The following CATSPER1 variants were observed in gnomAD, a reference collection of about 807,000 sequenced individuals.
CATSPER1 encodes cation channel sperm-associated protein 1.
In CATSPER1, 57 loss-of-function variants were observed where a neutral mutation model predicts 72.7. The ratio of observed to expected loss-of-function variants is 0.78; its 90% confidence interval spans 0.63 to 0.98. The LOEUF (loss-of-function observed/expected upper bound fraction) is 0.98. Among genes scored for constraint, CATSPER1 ranks in the 50% least tolerant of loss-of-function variants. CATSPER1 has a pLI of 0.00. For synonymous variants in CATSPER1, 363 were observed against 403.0 expected, an observed-to-expected ratio of 0.90 and a Z score of 1.19; for missense variants, 910 against 1,033.9, an observed-to-expected ratio of 0.88 and a Z score of 1.64.
At chr11:66,018,781 G>C in intron 10 of CATSPER1, 46 bp downstream of exon 10, 5 of 1,600,234 alleles carry the variant, frequency 3.1e-6, no homozygotes, top group Non-Finnish European at 4.3e-6. Context: ...AGGCCCCCAG[G>C]CCTCACCCTC....
At position 66,017,193 on chromosome 11, in the gene CATSPER1, G is replaced by GGGGGGGGGGGGGGGGGGGGGGC; in HGVS notation, c.2202-20_2202-19insGCCCCCCCCCCCCCCCCCCCCC. ...CTGCTGCCTGCGGGTGGGCGGGGGG[G>GGGGGGGGGGGGGGGGGGGGGGC]TCGCAGAGACAGGGGCTGGGCTGAC... On this transcript the variant is annotated intron_variant, in intron 10 of 11. Transcript: ENST00000312106. 3 of 493,800 alleles carry GGGGGGGGGGGGGGGGGGGGGGC rather than the reference G, an allele frequency of 6.1e-6. No individual in the cohort carries two copies. The highest frequency in any genetic ancestry group is 5.5e-5 in the East Asian group (1 of 18,090). 30.6% of individuals were successfully genotyped at this position (493,800 alleles called of 1,614,324 possible).
At position 66,025,931 on chromosome 11, in the gene CATSPER1, C is replaced by T; in HGVS notation, c.449G>A (p.Gly150Asp). Reference protein sequence around the residue: ...DSHYHRGSHHGRPQYLGENLS... With the variant: ...DSHYHRGSHHDRPQYLGENLS... Reference sequence around the variant, plus strand: ...ATTCTCACCGAGATATTGGGGTCTGCCATGGTGAGACCCCCTATGGTAATG... The same window carrying T: ...ATTCTCACCGAGATATTGGGGTCTGTCATGGTGAGACCCCCTATGGTAATG... Residue 150 changes from glycine (G) to aspartate (D), a missense_variant, in exon 1 of 12, where the codon GGC (glycine) becomes GAC (aspartate). Transcript: ENST00000312106. 6.2e-7 allele frequency: 1 copy of T among 1,613,412 alleles called. No individual in the cohort carries two copies. The highest frequency in any genetic ancestry group is 1.1e-5 in the South Asian group (1 of 91,006).
Position 66,026,091 on chromosome 11 carries a change from C to A in CATSPER1, c.289G>T (p.Gly97Cys). ...HGRAHGPTGF[G>C]LAPSQGAVPS... ...ACGGCGCCTTGAGAGGGAGCCAGAC[C>A]AAAGCCTGTGGGGCCATGGGCTCTG... is the stretch of plus-strand genomic sequence containing the variant. The change falls in exon 1 of 12, where the codon GGT (glycine) becomes TGT (cysteine). Residue 97 changes from glycine (G) to cysteine (C), a missense_variant. Transcript: ENST00000312106. 6.2e-7 allele frequency: 1 copy of A among 1,612,684 alleles called. No homozygotes were observed. The highest frequency in any genetic ancestry group is 8.5e-7 in the Non-Finnish European group (1 of 1,179,032).
chr11:66,020,480 G>T lies in CATSPER1; in HGVS notation c.1991+84C>A. ...TTGTGGGTTCAGCGTGGCATGACCA[G>T]GGTGAGAGGGCTGGGGTAAGGGTCC... On this transcript the variant is annotated intron_variant, in intron 7 of 11. Coordinates refer to ENST00000312106, the MANE Select transcript of CATSPER1 (RefSeq NM_053054.4). The surrounding 1 kb of genome is among the most constrained non-coding windows in gnomAD (Gnocchi z 4.5). The T allele has an allele frequency of 1.9e-6, 3 of 1,598,926 alleles. No individual in the cohort carries two copies. Among genetic ancestry groups the T allele is most frequent in the Non-Finnish European group, 2.6e-6 (3 of 1,166,514 alleles).
In CATSPER1 at chr11:66,026,479, T is replaced by G; in HGVS notation, c.-100A>C. ...TTCCTGAGCCAAGCTCAATGCAGAC[T>G]GTGGCACTGGGCTTCCAGAAAGGCC... is the stretch of plus-strand genomic sequence containing the variant. On this transcript the variant is annotated 5_prime_UTR_variant, in exon 1 of 12. Coordinates refer to ENST00000312106, the MANE Select transcript of CATSPER1 (RefSeq NM_053054.4). 3.2e-6 allele frequency: 5 copies of G among 1,584,574 alleles called. No homozygotes were observed. The highest frequency in any genetic ancestry group is 4.1e-4 in the Middle Eastern group (2 of 4,924).
Position 66,017,148 on chromosome 11 carries a change from A to G in CATSPER1, c.2228T>C (p.Leu743Pro), listed in dbSNP as rs1856254740. 1 of 1,201,496 alleles carries G rather than the reference A, an allele frequency of 8.3e-7. No individual in the cohort carries two copies. Among genetic ancestry groups the G allele is most frequent in the Non-Finnish European group, 1.1e-6 (1 of 889,678 alleles). The allele number at this position is 1,201,496 out of a possible 1,614,324, so 74.4% of individuals were successfully genotyped here. A position where few individuals can be genotyped will look rare whatever the true frequency, so the allele number is the denominator to read the frequency against. ...EKQQELLFHY[L>P]QLVASVEQEQ... ...CTGCTCCACGCTTGCCACCAGCTGCAGGTAATGGAACAGGAGCTCCTGCTG... is the reference window on the plus strand; with the variant it reads ...CTGCTCCACGCTTGCCACCAGCTGCGGGTAATGGAACAGGAGCTCCTGCTG... Residue 743 changes from leucine to proline, a missense_variant, in exon 11 of 12, where the codon CTG becomes CCG. Coordinates refer to ENST00000312106, the MANE Select transcript of CATSPER1 (RefSeq NM_053054.4).
chr11:66,024,479 C>A (rs554497536), intron 1 of CATSPER1, among the ~76,000 whole-genome samples: 1 of 152,088 alleles, frequency 6.6e-6, no homozygotes, highest in East Asian at 1.9e-4. Flanking sequence ...GGGATCTCGC[C>A]ATGTTGGCCA....
rs747666527 is a variant in CATSPER1 at position 66,026,046 on chromosome 11, C to T, written c.334G>A (p.Gly112Ser). 36 of 1,613,792 alleles carry T rather than the reference C, an allele frequency of 2.2e-5. No homozygotes were observed. The highest frequency in any genetic ancestry group is 5.3e-5 in the African/African-American group (4 of 74,828). Residue 112 changes from glycine to serine, a missense_variant, in exon 1 of 12, where the codon GGT becomes AGT. By Grantham distance (56) the Gly-to-Ser change is moderately conservative. Coordinates refer to ENST00000312106, the MANE Select transcript of CATSPER1 (RefSeq NM_053054.4). Reference protein sequence around the residue: ...QGAVPSHRSYGEDYHDELQRD... With the variant: ...QGAVPSHRSYSEDYHDELQRD... Reference sequence around the variant, plus strand: ...TGGAGCTCATCATGGTAGTCCTCACCGTAGGAACGGTGGGAGGGGACGGCG... The same window carrying T: ...TGGAGCTCATCATGGTAGTCCTCACTGTAGGAACGGTGGGAGGGGACGGCG...
rs764230958 is a variant in CATSPER1 at position 66,021,172 on chromosome 11, C to T, written c.1705G>A (p.Val569Ile). ...VLRRLSFLTS[V>I]QEVTGTLGQS... ...CCCAGGGTCCCTGTCACTTCCTGGA[C>T]GCTGGTCAGGAAGCTGTGGGCAGAA... Residue 569 changes from valine (V) to isoleucine (I), a missense_variant, in exon 5 of 12, where the codon GTC becomes ATC. Physicochemically the swap from Val to Ile is conservative, Grantham distance 29. Coordinates refer to ENST00000312106, the MANE Select transcript of CATSPER1 (RefSeq NM_053054.4). The T allele has an allele frequency of 6.4e-5, 103 of 1,612,778 alleles. No individual in the cohort carries two copies. Among genetic ancestry groups the T allele is most frequent in the Non-Finnish European group, 7.8e-5 (92 of 1,179,612 alleles).
rs1856359855 is a variant in CATSPER1 at position 66,021,156 on chromosome 11, CCT to C, written c.1719_1720del (p.Gly574AspfsTer35). The C allele has an allele frequency of 1.4e-5, 22 of 1,613,190 alleles. No homozygotes were observed. Among genetic ancestry groups the C allele is most frequent in the Non-Finnish European group, 1.9e-5 (22 of 1,179,756 alleles). On this transcript the variant is annotated frameshift_variant, in exon 5 of 12. Transcript: ENST00000312106. LOFTEE classifies it high-confidence loss of function. The stretch of plus-strand genomic sequence containing the variant: ...GGACGGCAAGGACTGGCCCAGGGTC[CCT>C]GTCACTTCCTGGACGCTGGTCAGGA...
rs992433385 is a variant in CATSPER1, at chr11:66,016,795, G to A, written c.*95C>T. The stretch of plus-strand genomic sequence containing the variant: ...TTGGGGCCCCTGCTCTGCAGGGCCC[G>A]GACAATCATTCCAGCAGATCTGGGG... On this transcript the variant is annotated 3_prime_UTR_variant, in exon 12 of 12. Coordinates refer to ENST00000312106, the MANE Select transcript of CATSPER1 (RefSeq NM_053054.4). The A allele has an allele frequency of 1.5e-5, 21 of 1,440,106 alleles. No individual in the cohort carries two copies. The highest frequency in any genetic ancestry group is 2.8e-5 in the African/African-American group (2 of 70,770). 89.2% of individuals were successfully genotyped at this position (1,440,106 alleles called of 1,614,324 possible).
chr11:66,022,854 C>G lies in CATSPER1; in HGVS notation c.1424G>C (p.Arg475Pro), dbSNP rs746921784. 122 of 1,614,076 alleles carry G rather than the reference C, an allele frequency of 7.6e-5. No homozygotes were observed. The highest frequency in any genetic ancestry group is 8.0e-5 in the Non-Finnish European group (94 of 1,180,026). Residue 475 changes from arginine (R) to proline (P), a missense_variant, in exon 2 of 12, where the codon CGG (arginine) becomes CCG (proline). Arg to Pro is a moderately radical substitution (Grantham distance 103). Coordinates refer to ENST00000312106, the MANE Select transcript of CATSPER1 (RefSeq NM_053054.4). Reference protein sequence around the residue: ...VAQTFAEVEIRGEWYFMALDS... With the variant: ...VAQTFAEVEIPGEWYFMALDS... The stretch of plus-strand genomic sequence containing the variant: ...CAGGACTCCCTGGCTCTTACCGCCC[C>G]GGATCTCGACTTCAGCGAAGGTCTG...
rs148057542 is a variant in CATSPER1, at chr11:66,021,134, C to T, written c.1743G>A (p.Pro581=). The part of the protein sequence containing the change: ...EVTGTLGQSL[P]SIAAILILMF... ...TGAGGATGAGGATGGCTGCGATGGA[C>T]GGCAAGGACTGGCCCAGGGTCCCTG... Residue 581 remains proline (P), a synonymous_variant, in exon 5 of 12, where the codon CCG becomes CCA. Transcript: ENST00000312106. 1.0e-4 allele frequency: 166 copies of T among 1,613,412 alleles called. No homozygotes were observed. In the African/African-American group the frequency reaches 1.6e-3, roughly 15 times the overall value.
In CATSPER1 at chr11:66,023,069, G is replaced by A; in HGVS notation, c.1217-8C>T. On this transcript the variant is annotated splice_region_variant and splice_polypyrimidine_tract_variant and intron_variant, in intron 1 of 11. Coordinates refer to ENST00000312106, the MANE Select transcript of CATSPER1 (RefSeq NM_053054.4). ...TCCGCTGGAGCCGGCCGGCTGAAAG[G>A]AACAGGGCCAGAAAGTCAAGTGTGT... 6.2e-7 allele frequency: 1 copy of A among 1,613,114 alleles called. No individual in the cohort carries two copies. The highest frequency in any genetic ancestry group is 8.5e-7 in the Non-Finnish European group (1 of 1,179,186).
chr11:66,021,968 C>T (rs1320807187), intron 2 of CATSPER1, 89 bp from the exon 3 acceptor site: 6 of 974,122 alleles, frequency 6.2e-6, no homozygotes, highest in Non-Finnish European at 9.9e-6. Flanking sequence ...AGCCCAGATT[C>T]CCAGGCTCTC....
At chr11:66,018,972 C>A in intron 9 of CATSPER1, 70 bp from the exon 10 acceptor site, 2 of 1,339,278 alleles carry the variant, frequency 1.5e-6, no homozygotes, top group South Asian at 2.4e-5. Flanking sequence ...CCCCATGTGT[C>A]AGGAAGATAA....
In CATSPER1 at chr11:66,020,115, G is replaced by T; in HGVS notation, c.2125+25C>A. 3 of 1,612,372 alleles carry T rather than the reference G, an allele frequency of 1.9e-6. No individual in the cohort carries two copies. Among genetic ancestry groups the T allele is most frequent in the Non-Finnish European group, 2.5e-6 (3 of 1,179,548 alleles). On this transcript the variant is annotated intron_variant, in intron 9 of 11. Transcript: ENST00000312106. This position sits in a 1 kb window ranked among gnomAD's most constrained non-coding sequence, Gnocchi z 4.5. ...GGCCCCCACTGCGGACGGGCAGGTGGGGCCAGGGCGGGCCAGGCCCATACC... is the reference window on the plus strand; with the variant it reads ...GGCCCCCACTGCGGACGGGCAGGTGTGGCCAGGGCGGGCCAGGCCCATACC...
chr11:66,018,207 CAAA>C (rs539636076), intron 10 of CATSPER1, among the ~76,000 whole-genome samples: 17 of 67,724 alleles, frequency 2.5e-4, no homozygotes, highest in Non-Finnish European at 3.4e-4. Flanking sequence ...GACCCTGTCT[CAAA>C]AAAAAAAAAA....
Position 66,026,442 on chromosome 11 carries a change from G to T in CATSPER1, c.-63C>A. 6.2e-7 allele frequency: 1 copy of T among 1,602,628 alleles called. No individual in the cohort carries two copies. Among genetic ancestry groups the T allele is most frequent in the Non-Finnish European group, 8.5e-7 (1 of 1,179,592 alleles). On this transcript the variant is annotated 5_prime_UTR_variant, in exon 1 of 12. Coordinates refer to ENST00000312106, the MANE Select transcript of CATSPER1 (RefSeq NM_053054.4). ...ACCTGGGCCCAACAGGCCCCGCCTG[G>T]ATTTCCCTTCTTTCCTGAGCCAAGC...
Sources: gnomAD v4.1 joint callset for allele counts (sites outside exome capture counted in the v4.1 genomes callset) on GRCh38, gnomAD v4.1.1 for gene constraint, Gnocchi (gnomAD v3.1) non-coding constraint, MANE v1.5 for transcripts, NCBI Gene and HGNC (gene_info 2026-07-23, HGNC 2026-07-21) for gene names.